PRDM16: variants seen among roughly 807,000 people sequenced by gnomAD.
PRDM16 encodes histone-lysine N-methyltransferase PRDM16.
In PRDM16, 23 loss-of-function variants were observed where a neutral mutation model predicts 110.6. The observed-to-expected ratio is 0.21, with a 90% CI of 0.15 to 0.29. The LOEUF (loss-of-function observed/expected upper bound fraction) is 0.29. PRDM16 is among the 10% of genes least tolerant of loss of function. The pLI, the probability that PRDM16 is intolerant of heterozygous loss-of-function variation, is 1.00. For synonymous variants in PRDM16, 799 were observed against 781.8 expected (o/e 1.02, Z -0.37); for missense variants, 1,615 against 1,794.3 (o/e 0.90, Z 1.81).
chr1:3,166,392 C>T (rs373885395), intron 1 of PRDM16, among the ~76,000 whole-genome samples: 5 of 152,212 alleles, frequency 3.3e-5, no homozygotes, highest in Non-Finnish European at 7.3e-5. Context: ...CCACAGTGAG[C>T]GTGGACAATT....
At chr1:3,331,261 G>C (rs1000133493) in intron 3 of PRDM16, among the ~76,000 whole-genome samples, 18 of 152,100 alleles carry the variant, frequency 1.2e-4, no homozygotes, top group Admixed American at 1.2e-3. Flanking sequence ...GCCAGCCTGG[G>C]GGGGGCGCAT....
chr1:3,225,757 C>T (rs921915439), intron 2 of PRDM16, among the ~76,000 whole-genome samples: 5 of 152,204 alleles, frequency 3.3e-5, no homozygotes, highest in East Asian at 1.9e-4. Flanking sequence ...TGTCTGCTCC[C>T]AGCCCAAACA....
chr1:3,071,629 G>A (rs1641763497), intron 1 of PRDM16, among the ~76,000 whole-genome samples: 1 of 152,242 alleles, frequency 6.6e-6, no homozygotes, highest in African/African-American at 2.4e-5. Context: ...TTAAGCAGAT[G>A]TGAACTTCCC....
intron 3 of PRDM16, among the ~76,000 whole-genome samples, chr1:3,329,040 C>T (rs778161694): frequency 1.8e-4 from 27 of 152,158 alleles, no homozygotes; most frequent in Non-Finnish European, 3.2e-4. Flanking sequence ...GAGGAATGGG[C>T]GCCTTCTCCC....
chr1:3,394,460 G>A (rs555207790), intron 4 of PRDM16: 4 of 440,528 alleles, frequency 9.1e-6, no homozygotes, highest in South Asian at 4.7e-5. Context: ...TCTCACGTCA[G>A]GACCCTCGAC....
At position 3,213,185 on chromosome 1, in the gene PRDM16, T is replaced by G. The variant is rs189647209; in HGVS notation, c.387+26711T>G. Among the ~76,000 whole-genome samples the G allele has an allele frequency of 4.6e-4, 70 of 152,308 alleles. No homozygotes were observed. The highest frequency in any genetic ancestry group is 1.6e-3 in the African/African-American group (66 of 41,570). On this transcript the variant is annotated intron_variant, in intron 2 of 16. Transcript: ENST00000270722. This position sits in a 1 kb window ranked among gnomAD's most constrained non-coding sequence, Gnocchi z 5.3. ...GCCAACAGCAACAGAAACACAGATTTGGAGATCCCCAAATTAGCCAATAAA... is the reference window on the plus strand; with the variant it reads ...GCCAACAGCAACAGAAACACAGATTGGGAGATCCCCAAATTAGCCAATAAA...
At chr1:3,264,013 G>C (rs944162147) in intron 3 of PRDM16, among the ~76,000 whole-genome samples, 2 of 152,158 alleles carry the variant, frequency 1.3e-5, no homozygotes, top group Non-Finnish European at 2.9e-5. Flanking sequence ...CAAAGCTACT[G>C]TGCAGCTGAG....
At chr1:3,305,964 A>G (rs1026349758) in intron 3 of PRDM16, among the ~76,000 whole-genome samples, 2 of 152,196 alleles carry the variant, frequency 1.3e-5, no homozygotes, top group Non-Finnish European at 1.5e-5. Flanking sequence ...CATCCTCCTC[A>G]AGGTCACGTG....
intron 1 of PRDM16, among the ~76,000 whole-genome samples, chr1:3,107,016 G>T (rs1569570819): frequency 6.6e-6 from 1 of 152,334 alleles, no homozygotes. Context: ...TGGCCAGGGG[G>T]CAGGCCCTAG....
intron 1 of PRDM16, among the ~76,000 whole-genome samples, chr1:3,179,886 C>T (rs569673252): frequency 2.0e-5 from 3 of 152,224 alleles, no homozygotes; most frequent in South Asian, 2.1e-4. Flanking sequence ...CCTGCTTTCC[C>T]GGGTCCCTGT....
intron 3 of PRDM16, among the ~76,000 whole-genome samples, chr1:3,332,353 C>T (rs983757310): frequency 3.3e-4 from 49 of 146,930 alleles, no homozygotes; most frequent in African/African-American, 1.2e-3. Flanking sequence ...CTGGATTAGG[C>T]GAGTAATCCC....
At chr1:3,318,909 A>G (rs1032643945) in intron 3 of PRDM16, among the ~76,000 whole-genome samples, 1 of 152,224 alleles carries the variant, frequency 6.6e-6, no homozygotes, top group African/African-American at 2.4e-5. Flanking sequence ...GGAAAAGCGC[A>G]ACTGTGAGTG....
At chr1:3,263,728 C>T (rs892981313) in intron 3 of PRDM16, among the ~76,000 whole-genome samples, 1 of 152,256 alleles carries the variant, frequency 6.6e-6, no homozygotes, top group African/African-American at 2.4e-5. Context: ...GGGAGGCTGC[C>T]TGGACGGCAA....
chr1:3,165,380 G>C (rs1178654815), intron 1 of PRDM16, among the ~76,000 whole-genome samples: 1 of 149,446 alleles, frequency 6.7e-6, no homozygotes, highest in Non-Finnish European at 1.5e-5. Context: ...TGGGCTCAGA[G>C]ACAGGGACTC....
chr1:3,226,004 GCCA>G (rs1226520015), intron 2 of PRDM16, among the ~76,000 whole-genome samples: 3 of 152,220 alleles, frequency 2.0e-5, no homozygotes, highest in Admixed American at 2.0e-4. Flanking sequence ...CATTGTGGTG[GCCA>G]CTTTTAGGAC....
intron 4 of PRDM16, among the ~76,000 whole-genome samples, chr1:3,389,583 T>C (rs555062975): frequency 3.9e-5 from 6 of 152,312 alleles, no homozygotes; most frequent in African/African-American, 1.4e-4. Flanking sequence ...AGAGGCCACA[T>C]TGGGCCATGA....
chr1:3,182,179 A>C, intron 1 of PRDM16, among the ~76,000 whole-genome samples: 1 of 152,244 alleles, frequency 6.6e-6, no homozygotes, highest in East Asian at 1.9e-4. Context: ...AGGAGGAAGC[A>C]CAGCCAGGCA....
chr1:3,281,394 A>G (rs950104729), intron 3 of PRDM16, among the ~76,000 whole-genome samples: 10 of 152,246 alleles, frequency 6.6e-5, no homozygotes, highest in Non-Finnish European at 5.9e-5. Context: ...GGTGTCCACT[A>G]TATGAAATCG....
chr1:3,105,800 G>A (rs1376561613), intron 1 of PRDM16, among the ~76,000 whole-genome samples: 1 of 152,248 alleles, frequency 6.6e-6, no homozygotes, highest in African/African-American at 2.4e-5. Context: ...CCACTGCTGT[G>A]TGCAGCCCCT....
Sources: gnomAD v4.1 joint callset for allele counts (sites outside exome capture counted in the v4.1 genomes callset) on GRCh38, gnomAD v4.1.1 for gene constraint, Gnocchi (gnomAD v3.1) non-coding constraint, MANE v1.5 for transcripts, NCBI Gene and HGNC (gene_info 2026-07-23, HGNC 2026-07-21) for gene names.